The following ZZZ3 variants were observed in gnomAD, a reference collection of about 807,000 sequenced individuals.
The protein encoded by ZZZ3 is ZZ-type zinc finger-containing protein 3.
Under a neutral mutation model 95.2 loss-of-function variants are expected in ZZZ3, and 22 were observed. The ratio of observed to expected loss-of-function variants is 0.23; its 90% CI spans 0.17 to 0.33. ZZZ3 has a LOEUF of 0.33. ZZZ3 is among the 10% of genes least tolerant of loss of function. The probability of loss-of-function intolerance (pLI) is 1.00; values close to 1 mark genes in which losing one functional copy is unlikely to be tolerated. For missense variants in ZZZ3, 885 were observed against 1,066.5 expected (o/e 0.83, Z 2.37); for synonymous variants, 335 against 358.9 (o/e 0.93, Z 0.75).
intron 1 of ZZZ3, among the ~76,000 whole-genome samples, chr1:77,658,122 C>T (rs1036508028): frequency 3.0e-5 from 4 of 135,392 alleles, no homozygotes; most frequent in Non-Finnish European, 1.5e-5. Context: ...GAGGTTGCGG[C>T]GAGCTGAGAT....
chr1:77,568,641 CTTTTTTT>C (rs11355685), intron 12 of ZZZ3, among the ~76,000 whole-genome samples, 175 bp from the exon 13 acceptor site: 2 of 125,870 alleles, frequency 1.6e-5, no homozygotes, highest in South Asian at 2.5e-4. Flanking sequence ...TGCTTTTGGA[CTTTTTTT>C]TTTTTTTTTT....
intron 5 of ZZZ3, among the ~76,000 whole-genome samples, chr1:77,614,638 C>T (rs377715921): frequency 2.6e-5 from 4 of 151,936 alleles, no homozygotes; most frequent in East Asian, 1.9e-4. Flanking sequence ...CTATATATCA[C>T]TTTTTTAAGC....
chr1:77,647,544 C>A (rs1005259346), intron 1 of ZZZ3, among the ~76,000 whole-genome samples: 55 of 151,512 alleles, frequency 3.6e-4, no homozygotes, highest in African/African-American at 1.3e-3. Flanking sequence ...AAAAAATACC[C>A]AATAGATATA....
Position 77,589,934 on chromosome 1 carries a change from C to G in ZZZ3, c.1506-5279G>C, listed in dbSNP as rs923166915. On this transcript the variant is annotated intron_variant, in intron 5 of 14. Coordinates refer to ENST00000370801, the MANE Select transcript of ZZZ3 (RefSeq NM_015534.6). ...TTTTAAAAAAACTAGATTTCCATTT[C>G]TACTGTGGTAATAACCCTTAAGATT... Among the ~76,000 whole-genome samples the G allele has an allele frequency of 3.9e-5, 6 of 152,214 alleles. No individual in the cohort carries two copies. In the South Asian group the frequency reaches 1.2e-3, roughly 32 times the overall value.
intron 8 of ZZZ3, among the ~76,000 whole-genome samples, chr1:77,581,565 T>G (rs1332728678): frequency 6.6e-6 from 1 of 152,212 alleles, no homozygotes; most frequent in Non-Finnish European, 1.5e-5. Flanking sequence ...AAAAGGAAAC[T>G]GCAGCTTAGA....
At chr1:77,619,122 C>T (rs901316055) in intron 5 of ZZZ3, among the ~76,000 whole-genome samples, 17 of 152,118 alleles carry the variant, frequency 1.1e-4, no homozygotes, top group Non-Finnish European at 2.4e-4. Context: ...TTTAGATTAC[C>T]TATTCTATGA....
intron 1 of ZZZ3, among the ~76,000 whole-genome samples, chr1:77,674,565 G>C (rs1341029980): frequency 6.6e-6 from 1 of 152,118 alleles, no homozygotes; most frequent in Admixed American, 6.5e-5. Context: ...ATTCACTGAG[G>C]TGTACATTTA....
At chr1:77,577,441 G>T (rs1263417698) in intron 11 of ZZZ3, among the ~76,000 whole-genome samples, 1 of 152,138 alleles carries the variant, frequency 6.6e-6, no homozygotes, top group Admixed American at 6.5e-5. Flanking sequence ...ATCTACACAG[G>T]TTGTGCTATA....
At chr1:77,574,025 A>G (rs1043109405) in intron 12 of ZZZ3, among the ~76,000 whole-genome samples, 3 of 151,126 alleles carry the variant, frequency 2.0e-5, no homozygotes, top group South Asian at 2.1e-4. Flanking sequence ...CAACCATGGC[A>G]ACAGTGAGAG....
chr1:77,575,928 C>G (rs1661889056), intron 12 of ZZZ3, 140 bp downstream of exon 12: 2 of 630,600 alleles, frequency 3.2e-6, no homozygotes, highest in East Asian at 3.1e-5. Flanking sequence ...ATTTTCCTCA[C>G]AAAAGTACAT....
intron 5 of ZZZ3, among the ~76,000 whole-genome samples, chr1:77,616,098 G>A (rs1353940636): frequency 6.6e-6 from 1 of 152,058 alleles, no homozygotes; most frequent in African/African-American, 2.4e-5. Context: ...TAATTAGTCA[G>A]ACACGCTTCT....
At chr1:77,633,511 G>A in intron 4 of ZZZ3, 106 bp from the exon 5 acceptor site, 2 of 636,224 alleles carry the variant, frequency 3.1e-6, no homozygotes, top group Non-Finnish European at 5.0e-6. Flanking sequence ...GGACATTACA[G>A]TCTATAACTA....
At chr1:77,650,788 C>G (rs1399304430) in intron 1 of ZZZ3, among the ~76,000 whole-genome samples, 1 of 151,834 alleles carries the variant, frequency 6.6e-6, no homozygotes, top group South Asian at 2.1e-4. Context: ...AAGCTGATTC[C>G]TTAAGAAAAA....
At chr1:77,657,192 G>T (rs1005145233) in intron 1 of ZZZ3, among the ~76,000 whole-genome samples, 3 of 152,160 alleles carry the variant, frequency 2.0e-5, no homozygotes, top group Non-Finnish European at 2.9e-5. Flanking sequence ...GTGTTGGCCA[G>T]ACTGGTTTCT....
intron 5 of ZZZ3, among the ~76,000 whole-genome samples, chr1:77,606,377 G>A (rs1368443655): frequency 6.6e-6 from 1 of 152,194 alleles, no homozygotes; most frequent in Non-Finnish European, 1.5e-5. Context: ...CTGGCTCCGG[G>A]ATGGCATCTC....
At chr1:77,668,084 T>C (rs187429940) in intron 1 of ZZZ3, among the ~76,000 whole-genome samples, 2 of 152,240 alleles carry the variant, frequency 1.3e-5, no homozygotes, top group East Asian at 1.9e-4. Context: ...ATCCTTGATA[T>C]GTTTTTCTTT....
intron 5 of ZZZ3, among the ~76,000 whole-genome samples, chr1:77,621,414 G>C (rs1342065304): frequency 6.6e-6 from 1 of 150,772 alleles, no homozygotes; most frequent in East Asian, 1.9e-4. Context: ...CTGCACTTGA[G>C]CCTGGGTGAC....
chr1:77,634,871 A>G (rs949441188), intron 4 of ZZZ3, among the ~76,000 whole-genome samples: 8 of 152,164 alleles, frequency 5.3e-5, no homozygotes, highest in African/African-American at 1.9e-4. Context: ...TTTAGTTTTC[A>G]CAAGGTACCC....
intron 1 of ZZZ3, among the ~76,000 whole-genome samples, chr1:77,678,325 G>C (rs938266422): frequency 4.0e-5 from 6 of 151,798 alleles, no homozygotes; most frequent in African/African-American, 1.5e-4. Context: ...AACAAAGGAA[G>C]TTCCATACAC....
Sources: gnomAD v4.1 joint callset for allele counts (sites outside exome capture counted in the v4.1 genomes callset) on GRCh38, gnomAD v4.1.1 for gene constraint, MANE v1.5 for transcripts, NCBI Gene and HGNC (gene_info 2026-07-23, HGNC 2026-07-21) for gene names.